The following CHRM2 variants were observed in gnomAD, a reference collection of about 807,000 sequenced individuals.
CHRM2 encodes cholinergic receptor muscarinic 2.
Under a neutral mutation model 25.0 loss-of-function variants are expected in CHRM2, and 8 were observed. The observed-to-expected ratio is 0.32, with a 90% CI of 0.19 to 0.58. CHRM2 has a LOEUF of 0.58. Among genes scored for constraint, CHRM2 ranks in the 20% least tolerant of loss-of-function variants. CHRM2 has a pLI of 0.88. For synonymous variants in CHRM2, 202 were observed against 205.7 expected, an observed-to-expected ratio of 0.98 and a Z score of 0.15; for missense variants, 440 against 567.1, an observed-to-expected ratio of 0.78 and a Z score of 2.28.
At chr7:136,928,664 T>G (rs1798880358) in intron 2 of CHRM2, among the ~76,000 whole-genome samples, 1 of 152,190 alleles carries the variant, frequency 6.6e-6, no homozygotes, top group East Asian at 1.9e-4. Context: ...ACTTATGATT[T>G]CAAGACCGTA....
chr7:136,955,588 A>G (rs1800676118), intron 2 of CHRM2, among the ~76,000 whole-genome samples: 1 of 152,176 alleles, frequency 6.6e-6, no homozygotes, highest in African/African-American at 2.4e-5. Flanking sequence ...TCATTTCAAA[A>G]GGAATGTCCT....
chr7:137,014,557 GTAGA>G (rs1298370154), intron 3 of CHRM2, among the ~76,000 whole-genome samples: 5 of 151,932 alleles, frequency 3.3e-5, no homozygotes, highest in African/African-American at 1.2e-4. Context: ...AGATAGGTAG[GTAGA>G]TAGATACTCA....
At chr7:136,884,167 A>T (rs955876798) in intron 2 of CHRM2, among the ~76,000 whole-genome samples, 1 of 152,180 alleles carries the variant, frequency 6.6e-6, no homozygotes, top group African/African-American at 2.4e-5. Context: ...GAGATGTATG[A>T]CAACTTCAAA....
In CHRM2 at chr7:137,005,738, T is replaced by C. The variant is rs780365775; in HGVS notation, c.-46-9082T>C. On this transcript the variant is annotated intron_variant, in intron 3 of 3. Transcript: ENST00000680005. The stretch of plus-strand genomic sequence containing the variant: ...TTCTCTAGAACAACTGCTTTTATTC[T>C]AGAATTTTCTATCATAGTCCTAAAA... Among the ~76,000 whole-genome samples, 55 of 152,262 alleles carry C rather than the reference T, an allele frequency of 3.6e-4. 1 individual carries two copies. The highest frequency in any genetic ancestry group is 3.4e-3 in the Middle Eastern group (1 of 294).
intron 2 of CHRM2, among the ~76,000 whole-genome samples, chr7:136,924,721 C>T (rs764377094): frequency 1.3e-5 from 2 of 152,120 alleles, no homozygotes; most frequent in African/African-American, 4.8e-5. Context: ...GTCACTGACA[C>T]ACTGCTTAAC....
intron 2 of CHRM2, among the ~76,000 whole-genome samples, chr7:136,873,364 G>A (rs1444951091): frequency 6.6e-6 from 1 of 152,170 alleles, no homozygotes; most frequent in East Asian, 1.9e-4. Context: ...TGTATTCTAA[G>A]TCCTTGGCAT....
At chr7:136,982,466 G>A (rs2130980467) in intron 2 of CHRM2, among the ~76,000 whole-genome samples, 1 of 152,248 alleles carries the variant, frequency 6.6e-6, no homozygotes, top group African/African-American at 2.4e-5. Context: ...ATTGTTATGT[G>A]TAAATTCGAT....
intron 3 of CHRM2, among the ~76,000 whole-genome samples, chr7:137,004,204 T>G (rs1804264309): frequency 6.6e-6 from 1 of 152,154 alleles, no homozygotes; most frequent in South Asian, 2.1e-4. Flanking sequence ...GAAATTGTAT[T>G]TAAATACTTC....
At chr7:136,966,517 G>C (rs949607156) in intron 2 of CHRM2, among the ~76,000 whole-genome samples, 1 of 151,838 alleles carries the variant, frequency 6.6e-6, no homozygotes, top group African/African-American at 2.4e-5. Flanking sequence ...ATACTAAATA[G>C]AAAAGGTACA....
At chr7:136,986,056 AC>A (rs1313040004) in intron 2 of CHRM2, among the ~76,000 whole-genome samples, 1 of 152,114 alleles carries the variant, frequency 6.6e-6, no homozygotes, top group African/African-American at 2.4e-5. Flanking sequence ...ACACCAAGTG[AC>A]CCGTCCTATC....
chr7:136,877,293 T>C (rs1244532771), intron 2 of CHRM2, among the ~76,000 whole-genome samples: 1 of 152,050 alleles, frequency 6.6e-6, no homozygotes, highest in African/African-American at 2.4e-5. Flanking sequence ...CATCTTTCAA[T>C]GTAGAGGAAA....
chr7:136,895,281 A>G (rs1796848972), intron 2 of CHRM2, among the ~76,000 whole-genome samples: 2 of 152,202 alleles, frequency 1.3e-5, no homozygotes, highest in African/African-American at 2.4e-5. Context: ...TTGAGTATGT[A>G]TAAGGAGAAT....
intron 2 of CHRM2, among the ~76,000 whole-genome samples, chr7:136,920,271 C>T (rs1798355114): frequency 6.6e-6 from 1 of 152,090 alleles, no homozygotes; most frequent in African/African-American, 2.4e-5. Flanking sequence ...AAACATTTTG[C>T]ACCTCAGCTC....
At chr7:136,914,953 A>G (rs1240493218) in intron 2 of CHRM2, among the ~76,000 whole-genome samples, 1 of 151,928 alleles carries the variant, frequency 6.6e-6, no homozygotes, top group Admixed American at 6.6e-5. Flanking sequence ...TCTAACAAAA[A>G]GAATTGTGAT....
chr7:136,869,154 G>A lies in CHRM2; in HGVS notation c.-282-107G>A, dbSNP rs1420485578. On this transcript the variant is annotated intron_variant, in intron 1 of 3. Coordinates refer to ENST00000680005, the MANE Select transcript of CHRM2 (RefSeq NM_001006630.2). This position sits in a 1 kb window ranked among gnomAD's most constrained non-coding sequence, Gnocchi z 4.9. ...TGCCTGCGCGCGCGCCAGCCCCGCA[G>A]CTCTCGCCAGAGCCTTGGGGTCGGT... 1 of 152,396 alleles carries A rather than the reference G, an allele frequency of 6.6e-6. No homozygotes were observed. The highest frequency in any genetic ancestry group is 2.1e-4 in the South Asian group (1 of 4,836). The allele number at this position is 152,396 out of a possible 1,614,324, so 9.4% of individuals were successfully genotyped here.
chr7:136,957,216 C>A (rs1393335714), intron 2 of CHRM2, among the ~76,000 whole-genome samples: 2 of 152,066 alleles, frequency 1.3e-5, no homozygotes, highest in Non-Finnish European at 2.9e-5. Flanking sequence ...CTTTTGGGGG[C>A]AGCCCACTCC....
intron 2 of CHRM2, among the ~76,000 whole-genome samples, chr7:136,984,449 A>G (rs962818776): frequency 6.6e-6 from 1 of 151,698 alleles, no homozygotes; most frequent in Admixed American, 6.6e-5. Flanking sequence ...GGAAGTGAAC[A>G]GTTCTGTCTC....
At chr7:136,980,913 T>C (rs1338877536) in intron 2 of CHRM2, among the ~76,000 whole-genome samples, 1 of 152,148 alleles carries the variant, frequency 6.6e-6, no homozygotes, top group Non-Finnish European at 1.5e-5. Context: ...CTTTCTTTTG[T>C]GTGTCTCTGC....
intron 2 of CHRM2, among the ~76,000 whole-genome samples, chr7:136,948,958 G>A (rs746608984): frequency 1.3e-5 from 2 of 152,152 alleles, no homozygotes; most frequent in African/African-American, 4.8e-5. Context: ...GTGCAGCTAT[G>A]GAAGGCAATC....
Sources: allele counts gnomAD v4.1 joint callset (sites outside exome capture counted in the v4.1 genomes callset), GRCh38; gene constraint gnomAD v4.1.1; non-coding constraint Gnocchi (gnomAD v3.1); transcripts MANE v1.5; gene names NCBI Gene and HGNC (gene_info 2026-07-23, HGNC 2026-07-21).